ROBO2: variants seen among roughly 807,000 people sequenced by gnomAD.
The protein encoded by ROBO2 is roundabout homolog 2.
Under a neutral mutation model 160.8 loss-of-function variants are expected in ROBO2, and 53 were observed. The ratio of observed to expected loss-of-function variants is 0.33; its 90% CI spans 0.26 to 0.41. ROBO2 has a LOEUF of 0.41. ROBO2 is among the 10% of genes least tolerant of loss of function. The pLI is 1.00. For synonymous variants in ROBO2, 664 were observed against 611.7 expected (o/e 1.09, Z -1.26); for missense variants, 1,577 against 1,722.4 (o/e 0.92, Z 1.49).
chr3:76,675,623 C>G (rs556749731), intron 2 of ROBO2, among the ~76,000 whole-genome samples: 2 of 152,116 alleles, frequency 1.3e-5, no homozygotes, highest in South Asian at 4.2e-4. Context: ...TTTGACAGGA[C>G]TTAATTTTAT....
intron 1 of ROBO2, among the ~76,000 whole-genome samples, chr3:77,082,748 C>G (rs2068806999): frequency 6.6e-6 from 1 of 151,684 alleles, no homozygotes; most frequent in Non-Finnish European, 1.5e-5. Context: ...TGTATGTACA[C>G]TCTAGTATGT....
At chr3:76,291,034 A>C (rs944157947) in intron 2 of ROBO2, among the ~76,000 whole-genome samples, 4 of 152,140 alleles carry the variant, frequency 2.6e-5, no homozygotes, top group Non-Finnish European at 5.9e-5. Flanking sequence ...GGGTTTTGCT[A>C]TCAGAATGAT....
At chr3:77,299,178 G>A (rs2062429284) in intron 2 of ROBO2, among the ~76,000 whole-genome samples, 1 of 152,140 alleles carries the variant, frequency 6.6e-6, no homozygotes, top group South Asian at 2.1e-4. Context: ...TATAAGTTGA[G>A]ATGGCAAGTT....
Position 77,461,794 on chromosome 3 carries a change from C to CTT in ROBO2, c.389-15619_389-15618dup, listed in dbSNP as rs545902241. Among the ~76,000 whole-genome samples, 12 of 151,110 alleles carry CTT rather than the reference C, an allele frequency of 7.9e-5. No homozygotes were observed. In the East Asian group the frequency reaches 2.4e-3, roughly 30 times the overall value. Reference sequence around the variant, plus strand: ...CCAGGCTGGAGTGCAGTGGCACTATCTTGGCTCACTGCAATCCTCTCCTCC... The same window carrying CTT: ...CCAGGCTGGAGTGCAGTGGCACTATCTTTTGGCTCACTGCAATCCTCTCCTCC... On this transcript the variant is annotated intron_variant, in intron 2 of 25. Coordinates refer to ENST00000461745, the Ensembl canonical transcript of ROBO2.
intron 2 of ROBO2, among the ~76,000 whole-genome samples, chr3:76,255,711 A>G (rs1416144778): frequency 5.9e-5 from 9 of 152,094 alleles, no homozygotes; most frequent in Non-Finnish European, 2.9e-5. Flanking sequence ...AATCACAGAG[A>G]ATACTATTTT....
chr3:76,228,756 G>C (rs1162493783), intron 2 of ROBO2, among the ~76,000 whole-genome samples: 1 of 152,106 alleles, frequency 6.6e-6, no homozygotes, highest in Non-Finnish European at 1.5e-5. Context: ...AGAACTCACA[G>C]ATTTTACTTC....
chr3:76,910,752 A>AAAAAC (rs2075941203), intron 2 of ROBO2, among the ~76,000 whole-genome samples: 1 of 150,720 alleles, frequency 6.6e-6, no homozygotes, highest in Non-Finnish European at 1.5e-5. Context: ...AAAGAAAAAA[A>AAAAAC]AAGAAATCAT....
intron 1 of ROBO2, among the ~76,000 whole-genome samples, chr3:77,093,834 A>G (rs2070676154): frequency 6.6e-6 from 1 of 152,138 alleles, no homozygotes; most frequent in East Asian, 1.9e-4. Flanking sequence ...CTAATTATCT[A>G]TTGCAGGCCT....
intron 9 of ROBO2, among the ~76,000 whole-genome samples, chr3:77,560,157 A>G (rs1334305407): frequency 6.6e-6 from 1 of 152,068 alleles, no homozygotes; most frequent in Non-Finnish European, 1.5e-5. Flanking sequence ...GATGATGTCA[A>G]ACAAACTTTG....
chr3:77,393,132 T>A (rs1462689294), intron 2 of ROBO2, among the ~76,000 whole-genome samples: 1 of 152,194 alleles, frequency 6.6e-6, no homozygotes, highest in Admixed American at 6.6e-5. Flanking sequence ...AAAATTTTCT[T>A]AATGAAATCT....
At chr3:76,165,293 A>G (rs934056744) in intron 2 of ROBO2, among the ~76,000 whole-genome samples, 3 of 151,972 alleles carry the variant, frequency 2.0e-5, no homozygotes, top group Non-Finnish European at 4.4e-5. Context: ...TTTTTATGTT[A>G]TGGAGATGGC....
At chr3:76,900,943 G>C (rs1437233081) in intron 2 of ROBO2, among the ~76,000 whole-genome samples, 4 of 152,182 alleles carry the variant, frequency 2.6e-5, no homozygotes, top group Non-Finnish European at 4.4e-5. Context: ...TCACAATCTT[G>C]TGTTGTTTAG....
intron 2 of ROBO2, among the ~76,000 whole-genome samples, chr3:76,675,951 A>T (rs1486990422): frequency 6.6e-6 from 1 of 152,142 alleles, no homozygotes; most frequent in Non-Finnish European, 1.5e-5. Flanking sequence ...AGTTGTTTCA[A>T]AATTAATTAT....
At chr3:76,776,253 A>C (rs1332975509) in intron 2 of ROBO2, among the ~76,000 whole-genome samples, 1 of 151,000 alleles carries the variant, frequency 6.6e-6, no homozygotes, top group African/African-American at 2.4e-5. Flanking sequence ...AAGCCATAAT[A>C]ATTCAAATAA....
intron 2 of ROBO2, among the ~76,000 whole-genome samples, chr3:76,064,360 C>T (rs1334729879): frequency 3.9e-5 from 6 of 152,132 alleles, no homozygotes; most frequent in African/African-American, 1.4e-4. Flanking sequence ...GCTGCAAATC[C>T]TCTGGCCTCT....
chr3:77,553,079 T>C (rs2092977732), intron 8 of ROBO2, among the ~76,000 whole-genome samples: 1 of 151,974 alleles, frequency 6.6e-6, no homozygotes, highest in African/African-American at 2.4e-5. Context: ...CAACCCTGGG[T>C]CAAACAAGTC....
chr3:77,010,856 C>CCCTCCCTCCCTCCCCTCTCCCTT (rs2061848191), intron 2 of ROBO2, among the ~76,000 whole-genome samples: 1 of 95,072 alleles, frequency 1.1e-5, no homozygotes, highest in African/African-American at 3.9e-5. Flanking sequence ...CTCCCTCTCT[C>CCCTCCCTCCCTCCCCTCTCCCTT]CCTCCCTCCC....
intron 2 of ROBO2, among the ~76,000 whole-genome samples, chr3:77,377,626 G>A (rs938677112): frequency 2.0e-5 from 3 of 152,160 alleles, no homozygotes; most frequent in African/African-American, 7.2e-5. Flanking sequence ...AAGACCATAT[G>A]AAAGATATGA....
At chr3:76,985,674 GA>G (rs930753079) in intron 2 of ROBO2, among the ~76,000 whole-genome samples, 3 of 141,262 alleles carry the variant, frequency 2.1e-5, no homozygotes, top group Non-Finnish European at 3.0e-5. Flanking sequence ...TAATCAATTT[GA>G]ACATTGTTAG....
Sources: gnomAD v4.1 joint callset for allele counts (sites outside exome capture counted in the v4.1 genomes callset) on GRCh38, gnomAD v4.1.1 for gene constraint, MANE v1.5 for transcripts, NCBI Gene and HGNC (gene_info 2026-07-23, HGNC 2026-07-21) for gene names.